The following ASPA variants were observed in gnomAD, a reference collection of about 807,000 sequenced individuals.
The protein encoded by ASPA is ACY-2.
In ASPA, 25 loss-of-function variants were observed where a neutral mutation model predicts 29.6. That is an observed-to-expected ratio of 0.85 (90% CI 0.62 to 1.18). ASPA has a LOEUF of 1.18. ASPA is among the 50% of genes most tolerant of loss of function. ASPA has a pLI of 0.00. For missense variants in ASPA, 333 were observed against 385.7 expected (o/e 0.86, Z 1.14); for synonymous variants, 131 against 130.3 (o/e 1.01, Z -0.04).
chr17:3,496,741 G>A (rs2073913228), intron 5 of ASPA, among the ~76,000 whole-genome samples: 1 of 152,202 alleles, frequency 6.6e-6, no homozygotes, highest in Admixed American at 6.5e-5. Flanking sequence ...TCAAACTTGA[G>A]CCACATGACA....
intron 4 of ASPA, among the ~76,000 whole-genome samples, chr17:3,494,096 G>T (rs2073870839): frequency 6.6e-6 from 1 of 150,674 alleles, no homozygotes; most frequent in Non-Finnish European, 1.5e-5. Context: ...GAGTGCAATG[G>T]CTTACTGCAA....
In ASPA at chr17:3,490,300, C is replaced by T. The variant is rs1211372543; in HGVS notation, c.634+958C>T. 6.6e-6 allele frequency among the ~76,000 whole-genome samples: 1 copy of T among 152,104 alleles called. No individual in the cohort carries two copies. Among genetic ancestry groups the T allele is most frequent in the Non-Finnish European group, 1.5e-5 (1 of 68,030 alleles). ...GTGGACAAGGTGGGTATATGCAGCT[C>T]TATGCACTATCTGCTCATTTATTTG... is the stretch of plus-strand genomic sequence containing the variant. On this transcript the variant is annotated intron_variant, in intron 4 of 5. Coordinates refer to ENST00000263080, the MANE Select transcript of ASPA (RefSeq NM_000049.4). This position sits in a 1 kb window ranked among gnomAD's most constrained non-coding sequence, Gnocchi z 4.6.
chr17:3,495,546 G>GTTTGTTTTTGTT (rs149605858), intron 5 of ASPA, among the ~76,000 whole-genome samples: 3 of 151,044 alleles, frequency 2.0e-5, no homozygotes, highest in Admixed American at 6.6e-5. Flanking sequence ...CTTAGGCAGT[G>GTTTGTTTTTGTT]TTTGTTTTTG....
At chr17:3,482,914 A>G (rs990008092) in intron 2 of ASPA, among the ~76,000 whole-genome samples, 1 of 147,976 alleles carries the variant, frequency 6.8e-6, no homozygotes, top group Admixed American at 6.7e-5. Flanking sequence ...AGCATTAGGT[A>G]TATCTCCTAA....
intron 5 of ASPA, among the ~76,000 whole-genome samples, chr17:3,495,252 A>C (rs1282070765): frequency 6.6e-6 from 1 of 152,202 alleles, no homozygotes; most frequent in Admixed American, 6.5e-5. Context: ...CTGGTGGATT[A>C]TCTAGTCCAG....
At chr17:3,487,734 C>T (rs533304573) in intron 3 of ASPA, among the ~76,000 whole-genome samples, 3 of 152,260 alleles carry the variant, frequency 2.0e-5, no homozygotes, top group African/African-American at 7.2e-5. Flanking sequence ...TTGACTTAAA[C>T]TATTCAACAT....
At chr17:3,478,680 G>A (rs1395938131) in intron 1 of ASPA, among the ~76,000 whole-genome samples, 1 of 152,146 alleles carries the variant, frequency 6.6e-6, no homozygotes, top group Admixed American at 6.5e-5. Context: ...GCTCCTTACT[G>A]TTAACACTGT....
intron 3 of ASPA, 31 bp from the exon 4 acceptor site, chr17:3,489,204 T>A (rs1368545752): frequency 7.8e-7 from 1 of 1,278,904 alleles, no homozygotes; most frequent in Admixed American, 1.7e-5. Context: ...CATACTTATA[T>A]AAATGTGACT....
At chr17:3,489,436 G>A (rs2073784503) in intron 4 of ASPA, 94 bp downstream of exon 4, 4 of 1,095,306 alleles carry the variant, frequency 3.7e-6, no homozygotes, top group Non-Finnish European at 5.5e-6. Context: ...CTAAAGATAT[G>A]AAGTGCTTTT....
At chr17:3,486,579 C>G (rs1395008909) in intron 3 of ASPA, among the ~76,000 whole-genome samples, 1 of 152,084 alleles carries the variant, frequency 6.6e-6, no homozygotes, top group Non-Finnish European at 1.5e-5. Flanking sequence ...TCTCAAACAC[C>G]CTCTTTCTTC....
At chr17:3,479,642 C>T (rs890892359) in intron 1 of ASPA, among the ~76,000 whole-genome samples, 11 of 151,964 alleles carry the variant, frequency 7.2e-5, no homozygotes, top group Non-Finnish European at 4.4e-5. Context: ...CCCCCTGCAC[C>T]GACTCGACGT....
intron 1 of ASPA, among the ~76,000 whole-genome samples, chr17:3,477,577 C>T (rs796674773): frequency 9.2e-5 from 14 of 152,066 alleles, no homozygotes; most frequent in African/African-American, 2.7e-4. Context: ...CTCAACCTCC[C>T]GAGTAGCTGG....
At chr17:3,478,099 G>T (rs1300715171) in intron 1 of ASPA, among the ~76,000 whole-genome samples, 1 of 152,084 alleles carries the variant, frequency 6.6e-6, no homozygotes, top group East Asian at 1.9e-4. Context: ...GCAGGAGAAT[G>T]GCGTGAACCT....
At chr17:3,479,519 G>A (rs1047531282) in intron 1 of ASPA, among the ~76,000 whole-genome samples, 5 of 152,066 alleles carry the variant, frequency 3.3e-5, no homozygotes, top group African/African-American at 9.7e-5. Context: ...CTGATGGAGC[G>A]GCCACATGAT....
chr17:3,483,064 G>T (rs2073661353), intron 2 of ASPA, among the ~76,000 whole-genome samples: 2 of 150,868 alleles, frequency 1.3e-5, no homozygotes, highest in South Asian at 2.1e-4. Context: ...CAATTTTCAT[G>T]CAGATAAGCA....
intron 1 of ASPA, among the ~76,000 whole-genome samples, chr17:3,480,079 T>G (rs2073601061): frequency 6.6e-6 from 1 of 152,078 alleles, no homozygotes; most frequent in Non-Finnish European, 1.5e-5. Context: ...GGACCTCTAG[T>G]GGTTCCTGGA....
At chr17:3,484,288 G>A (rs1243477455) in intron 3 of ASPA, among the ~76,000 whole-genome samples, 1 of 152,188 alleles carries the variant, frequency 6.6e-6, no homozygotes, top group Non-Finnish European at 1.5e-5. Context: ...CCAACCCTGT[G>A]CTAGGTGCGG....
chr17:3,479,138 A>G (rs930441331), intron 1 of ASPA, among the ~76,000 whole-genome samples: 3 of 152,160 alleles, frequency 2.0e-5, no homozygotes, highest in Non-Finnish European at 4.4e-5. Context: ...TCCAGAATAG[A>G]TTTAATCAAC....
At chr17:3,480,046 T>TAC (rs3037735) in intron 1 of ASPA, among the ~76,000 whole-genome samples, 108,766 of 151,762 alleles carry the variant, frequency 0.72, 39,419 homozygotes, top group Non-Finnish European at 0.78. Context: ...TTGGAGAGGT[T>TAC]AGACTCTGAA....
Sources: gnomAD v4.1 joint callset for allele counts (sites outside exome capture counted in the v4.1 genomes callset) on GRCh38, gnomAD v4.1.1 for gene constraint, Gnocchi (gnomAD v3.1) non-coding constraint, MANE v1.5 for transcripts, NCBI Gene and HGNC (gene_info 2026-07-23, HGNC 2026-07-21) for gene names.